RHD: variants seen among roughly 807,000 people sequenced by gnomAD.
RHD encodes the protein blood group Rh(D) polypeptide.
In RHD, 16 loss-of-function variants were observed where a neutral mutation model predicts 45.5. The observed-to-expected ratio is 0.35, with a 90% CI of 0.24 to 0.53. RHD has a LOEUF of 0.53. Ranked by LOEUF, RHD falls within the 20% of genes least tolerant of loss-of-function variation. The probability of loss-of-function intolerance (pLI) is 0.92; values close to 1 mark genes in which losing one functional copy is unlikely to be tolerated. For missense variants in RHD, 306 were observed against 532.0 expected, an observed-to-expected ratio of 0.58 and a Z score of 4.18; for synonymous variants, 131 against 217.5, an observed-to-expected ratio of 0.60 and a Z score of 3.50.
At chr1:25,295,258 A>G (rs1160065373) in intron 3 of RHD, among the ~76,000 whole-genome samples, 2 of 107,960 alleles carry the variant, frequency 1.9e-5, no homozygotes, top group Non-Finnish European at 4.2e-5. Flanking sequence ...TCTGTGCCTC[A>G]GTTTCCCTAT....
At chr1:25,306,304 A>G (rs1223008117) in intron 6 of RHD, among the ~76,000 whole-genome samples, 1 of 131,954 alleles carries the variant, frequency 7.6e-6, no homozygotes, top group Admixed American at 7.3e-5. Context: ...CAGTGTCTAC[A>G]CTAGACCCTT....
intron 3 of RHD, among the ~76,000 whole-genome samples, chr1:25,297,771 C>T (rs1203319368): frequency 7.6e-6 from 1 of 131,940 alleles, no homozygotes; most frequent in African/African-American, 2.6e-5. Flanking sequence ...GCAGAGCTTT[C>T]TTAGGCGGAA....
At chr1:25,281,534 C>T (rs1380210296) in intron 1 of RHD, among the ~76,000 whole-genome samples, 1 of 131,982 alleles carries the variant, frequency 7.6e-6, no homozygotes, top group African/African-American at 2.6e-5. Context: ...TCCAACTGAA[C>T]ACAAGCCTCA....
rs186522372 is a variant in RHD, at chr1:25,292,656, G to C, written c.486+1865G>C. Among the ~76,000 whole-genome samples the C allele has an allele frequency of 1.4e-4, 18 of 129,626 alleles. 1 individual carries two copies. The highest frequency in any genetic ancestry group is 3.9e-4 in the East Asian group (2 of 5,108). 85.0% of individuals were successfully genotyped at this position (129,626 alleles called of 152,430 possible). On this transcript the variant is annotated intron_variant, in intron 3 of 9. Coordinates refer to ENST00000328664, the MANE Select transcript of RHD (RefSeq NM_016124.6). ...AGCGTTAGGGTTAAGGTTGGGGGAG[G>C]GGGGGTAGAGATGTGTATGAAACAT...
In RHD at chr1:25,292,351, G is replaced by A. The variant is rs1196075113; in HGVS notation, c.486+1560G>A. 3.5e-4 allele frequency among the ~76,000 whole-genome samples: 46 copies of A among 132,664 alleles called. 10 individuals are homozygous for A. The highest frequency in any genetic ancestry group is 1.1e-3 in the African/African-American group (43 of 38,942). The allele number at this position is 132,664 out of a possible 152,430, so 87.0% of individuals were successfully genotyped here. The stretch of plus-strand genomic sequence containing the variant: ...AAAGACTGAAGGGGCAAGAGAGGAA[G>A]CAGGTGGAGACCAGAGCGGCAGTGA... On this transcript the variant is annotated intron_variant, in intron 3 of 9. Transcript: ENST00000328664.
chr1:25,313,678 A>G lies in RHD; in HGVS notation c.1074-3322A>G, dbSNP rs768539813. The stretch of plus-strand genomic sequence containing the variant: ...ATCATCCAGGGACCAGGCAGCAGAA[A>G]GAGAGGGGGAACTGGGACTATGCCT... On this transcript the variant is annotated intron_variant, in intron 7 of 9. Coordinates refer to ENST00000328664, the MANE Select transcript of RHD (RefSeq NM_016124.6). Among the ~76,000 whole-genome samples, 157 of 132,614 alleles carry G rather than the reference A, an allele frequency of 1.2e-3. 44 individuals are homozygous for G. The highest frequency in any genetic ancestry group is 2.3e-3 in the Non-Finnish European group (130 of 55,884). The allele number at this position is 132,614 out of a possible 152,430, so 87.0% of individuals were successfully genotyped here.
intron 6 of RHD, among the ~76,000 whole-genome samples, chr1:25,303,842 AC>A (rs1643589492): frequency 7.9e-6 from 1 of 126,824 alleles, no homozygotes; most frequent in East Asian, 2.0e-4. Context: ...CTTTCACCCC[AC>A]ATTGTGGGGT....
At chr1:25,318,063 C>T (rs1193926579) in intron 8 of RHD, 1 of 131,094 alleles carries the variant, frequency 7.6e-6, no homozygotes, top group Non-Finnish European at 1.8e-5. Context: ...TGGCTCATAC[C>T]TGTAATTGCA....
At chr1:25,305,583 T>G (rs1371437168) in intron 6 of RHD, among the ~76,000 whole-genome samples, 9 of 118,922 alleles carry the variant, frequency 7.6e-5, no homozygotes, top group African/African-American at 2.6e-4. Context: ...GTGTATGTAT[T>G]TTGTTGTTGT....
chr1:25,286,176 T>G (rs1641970838), intron 2 of RHD, among the ~76,000 whole-genome samples: 1 of 135,142 alleles, frequency 7.4e-6, no homozygotes, highest in Non-Finnish European at 1.8e-5. Flanking sequence ...GGAAAAAACT[T>G]TATATATTTT....
chr1:25,311,293 TA>T (rs200071101), intron 7 of RHD, among the ~76,000 whole-genome samples: 2,185 of 132,152 alleles, frequency 0.017, 563 homozygotes, highest in Non-Finnish European at 0.027. Flanking sequence ...AGCCATGTTG[TA>T]GGGAATGAAA....
chr1:25,303,133 AGTGAG>A (rs1643519462), intron 5 of RHD, among the ~76,000 whole-genome samples, 184 bp from the exon 6 acceptor site: 1 of 131,960 alleles, frequency 7.6e-6, no homozygotes, highest in Non-Finnish European at 1.8e-5. Context: ...AAGAGGCAGT[AGTGAG>A]CTGGCCCATC....
intron 6 of RHD, among the ~76,000 whole-genome samples, chr1:25,305,863 A>G (rs1344256347): frequency 7.6e-6 from 1 of 130,864 alleles, no homozygotes; most frequent in Non-Finnish European, 1.8e-5. Flanking sequence ...CGGCCTCCCA[A>G]AGTGCTGGGA....
In RHD at chr1:25,329,772, G is replaced by C. The variant is rs573663814; in HGVS notation, c.*848G>C. The C allele has an allele frequency of 3.8e-5, 5 of 130,266 alleles. No individual in the cohort carries two copies. The East Asian group carries it at 9.8e-4, about 26-fold the overall frequency. The allele number at this position is 130,266 out of a possible 1,614,324, so 8.1% of individuals were successfully genotyped here. ...AGGTTCAAGCAATTCTCCTGCCTCA[G>C]CCTCCCGAGTAGCTGGAATTACAAG... On this transcript the variant is annotated 3_prime_UTR_variant, in exon 10 of 10. Transcript: ENST00000328664.
chr1:25,292,280 C>T (rs28617751), intron 3 of RHD, among the ~76,000 whole-genome samples: 2,803 of 130,748 alleles, frequency 0.021, 430 homozygotes, highest in African/African-American at 0.068. Flanking sequence ...AGAGGAGAGC[C>T]ATGATCTGAC....
In RHD at chr1:25,275,853, G is replaced by A. The variant is rs554300438; in HGVS notation, c.148+3158G>A. ...GATCAACATGTTTTAAATCTCGAAT[G>A]TGACTGACAGCTTGTACGAGGAGAA... On this transcript the variant is annotated intron_variant, in intron 1 of 9. Transcript: ENST00000328664. Among the ~76,000 whole-genome samples the A allele has an allele frequency of 7.6e-5, 10 of 132,058 alleles. 1 individual carries two copies. The highest frequency in any genetic ancestry group is 2.6e-4 in the African/African-American group (10 of 38,690). 86.6% of individuals were successfully genotyped at this position (132,058 alleles called of 152,430 possible).
chr1:25,324,566 G>A (rs972658887), intron 9 of RHD, among the ~76,000 whole-genome samples: 1 of 152,116 alleles, frequency 6.6e-6, no homozygotes, highest in Non-Finnish European at 1.5e-5. Context: ...AATAATGTCT[G>A]TAACAACATT....
Position 25,282,119 on chromosome 1 carries a change from T to G in RHD, c.149-2454T>G, listed in dbSNP as rs760968803. On this transcript the variant is annotated intron_variant, in intron 1 of 9. Transcript: ENST00000328664. The stretch of plus-strand genomic sequence containing the variant: ...TGTACTAAACATTATTTCCTTTGGA[T>G]TTCCCAGAAACCTCTCAGGTGGGTC... Among the ~76,000 whole-genome samples the G allele has an allele frequency of 2.3e-5, 3 of 132,558 alleles. 1 individual carries two copies. Among genetic ancestry groups the G allele is most frequent in the Admixed American group, 1.5e-4 (2 of 13,602 alleles). The allele number at this position is 132,558 out of a possible 152,430, so 87.0% of individuals were successfully genotyped here. A position where few individuals can be genotyped will look rare whatever the true frequency, so the allele number is the denominator to read the frequency against.
At chr1:25,302,078 G>T (rs1342897722) in intron 5 of RHD, among the ~76,000 whole-genome samples, 1 of 130,594 alleles carries the variant, frequency 7.7e-6, no homozygotes, top group Non-Finnish European at 1.8e-5. Flanking sequence ...ATCAGAATCA[G>T]AAGTAGAGAA....
Sources: gnomAD v4.1 joint callset for allele counts (sites outside exome capture counted in the v4.1 genomes callset) on GRCh38, gnomAD v4.1.1 for gene constraint, MANE v1.5 for transcripts, NCBI Gene and HGNC (gene_info 2026-07-23, HGNC 2026-07-21) for gene names.